Variants in GALNTL6 observed in about 807,000 individuals in gnomAD.
GALNTL6 encodes the protein polypeptide N-acetylgalactosaminyltransferase like 6.
A neutral mutation model predicts 73.7 loss-of-function variants in GALNTL6; 46 were observed. The observed-to-expected ratio is 0.62, with a 90% CI of 0.49 to 0.80. GALNTL6 has a LOEUF of 0.80. Among genes scored for constraint, GALNTL6 ranks in the 30% least tolerant of loss-of-function variants. The pLI, the probability that GALNTL6 is intolerant of heterozygous loss-of-function variation, is 0.00. For synonymous variants in GALNTL6, 259 were observed against 263.7 expected, an observed-to-expected ratio of 0.98 and a Z score of 0.17; for missense variants, 604 against 755.0, an observed-to-expected ratio of 0.80 and a Z score of 2.34.
Position 172,809,615 on chromosome 4 carries a change from T to C in GALNTL6, c.739+69T>C. 7.6e-7 allele frequency: 1 copy of C among 1,319,466 alleles called. No homozygotes were observed. Among genetic ancestry groups the C allele is most frequent in the Non-Finnish European group, 1.0e-6 (1 of 961,086 alleles). The allele number at this position is 1,319,466 out of a possible 1,614,324, so 81.7% of individuals were successfully genotyped here. A position where few individuals can be genotyped will look rare whatever the true frequency, so the allele number is the denominator to read the frequency against. On this transcript the variant is annotated intron_variant, in intron 6 of 12. Transcript: ENST00000506823. The surrounding 1 kb of genome is among the most constrained non-coding windows in gnomAD (Gnocchi z 4.4). ...AACTGAGCGGTTTGCTTCTATTTAG[T>C]TTGCAATCAGCAAACACTAGAGGTC... is the stretch of plus-strand genomic sequence containing the variant.
chr4:172,304,301 T>C lies in GALNTL6; in HGVS notation c.248-7313T>C, dbSNP rs1740046554. ...ACCTGTTATGTGGCAGTCACTCTTG[T>C]TGCTGCTGGAGACATTACGATGAAG... On this transcript the variant is annotated intron_variant, in intron 3 of 12. Transcript: ENST00000506823. Among the ~76,000 whole-genome samples the C allele has an allele frequency of 2.6e-5, 4 of 152,206 alleles. No individual in the cohort carries two copies. In the South Asian group the frequency reaches 8.3e-4, roughly 31 times the overall value.
intron 5 of GALNTL6, among the ~76,000 whole-genome samples, chr4:172,490,015 T>C (rs1284861940): frequency 6.6e-6 from 1 of 152,168 alleles, no homozygotes; most frequent in Non-Finnish European, 1.5e-5. Context: ...GATGGAACTG[T>C]GTTCTTGGGA....
In GALNTL6 at chr4:172,375,423, G is replaced by A. The variant is rs187031341; in HGVS notation, c.553+26734G>A. ...CAAATTGGTCCCAATAGCTTTGGAT[G>A]CATTTCAAGGGTGAGCCTCTTGATG... On this transcript the variant is annotated intron_variant, in intron 5 of 12. Transcript: ENST00000506823. 5.9e-5 allele frequency among the ~76,000 whole-genome samples: 9 copies of A among 152,262 alleles called. No individual in the cohort carries two copies. The East Asian group carries it at 1.4e-3, about 23-fold the overall frequency.
chr4:172,552,885 A>G (rs1736015760), intron 5 of GALNTL6, among the ~76,000 whole-genome samples: 2 of 138,072 alleles, frequency 1.4e-5, no homozygotes, highest in East Asian at 2.3e-4. Context: ...CTTTTGCACC[A>G]ACCTAATAAC....
intron 2 of GALNTL6, among the ~76,000 whole-genome samples, chr4:171,839,032 A>G (rs1735175125): frequency 6.6e-6 from 1 of 152,156 alleles, no homozygotes; most frequent in Non-Finnish European, 1.5e-5. Context: ...TACCATGGAA[A>G]TGATGAAGCT....
chr4:173,013,639 C>T (rs1261234703), intron 11 of GALNTL6, among the ~76,000 whole-genome samples: 1 of 139,176 alleles, frequency 7.2e-6, no homozygotes, highest in Non-Finnish European at 1.5e-5. Context: ...CACCAGAGGG[C>T]AGCACTAGAC....
chr4:172,545,029 C>T (rs764786397), intron 5 of GALNTL6, among the ~76,000 whole-genome samples: 9 of 152,170 alleles, frequency 5.9e-5, no homozygotes, highest in Non-Finnish European at 8.8e-5. Context: ...TTTATGCATG[C>T]TTGTATGGTC....
chr4:173,020,957 C>T (rs573632351), intron 11 of GALNTL6, among the ~76,000 whole-genome samples: 1 of 152,278 alleles, frequency 6.6e-6, no homozygotes, highest in South Asian at 2.1e-4. Context: ...CCTGTAATCC[C>T]AGCTACTCGG....
intron 5 of GALNTL6, among the ~76,000 whole-genome samples, chr4:172,436,617 G>T (rs912978866): frequency 1.3e-5 from 2 of 152,010 alleles, no homozygotes; most frequent in African/African-American, 2.4e-5. Flanking sequence ...CCATATTCAG[G>T]TGATATTCTT....
In GALNTL6 at chr4:172,487,212, C is replaced by CTCCT. The variant is rs138742820; in HGVS notation, c.553+138544_553+138547dup. On this transcript the variant is annotated intron_variant, in intron 5 of 12. Transcript: ENST00000506823. ...CTTCATTTTCTTTCTTTCTTTCTTT[C>CTCCT]TCCTTCCTTCCTTCCTTCCTTCCTG... Among the ~76,000 whole-genome samples the CTCCT allele has an allele frequency of 1.1e-3, 165 of 148,692 alleles. 2 individuals carry two copies. The Middle Eastern group carries it at 0.017, about 16-fold the overall frequency.
chr4:172,243,946 T>C (rs757651208), intron 3 of GALNTL6, among the ~76,000 whole-genome samples: 7 of 152,168 alleles, frequency 4.6e-5, no homozygotes, highest in Non-Finnish European at 8.8e-5. Flanking sequence ...GGGTTTCTGG[T>C]CATCTTTTAT....
chr4:172,375,641 A>G (rs992948433), intron 5 of GALNTL6, among the ~76,000 whole-genome samples: 2 of 152,150 alleles, frequency 1.3e-5, no homozygotes, highest in African/African-American at 4.8e-5. Context: ...GAATAGTTGC[A>G]CTCACTGACG....
intron 2 of GALNTL6, among the ~76,000 whole-genome samples, chr4:172,114,780 C>T (rs1044219247): frequency 3.5e-4 from 54 of 152,156 alleles, no homozygotes; most frequent in African/African-American, 1.3e-3. Context: ...TTTTATTATA[C>T]AACGAGTATA....
chr4:173,035,725 T>C (rs1017945599), intron 12 of GALNTL6, among the ~76,000 whole-genome samples: 5 of 152,236 alleles, frequency 3.3e-5, no homozygotes, highest in Admixed American at 6.5e-5. Context: ...ATAGATACCT[T>C]CTCTCCATAA....
At chr4:172,783,136 A>G (rs892964272) in intron 5 of GALNTL6, among the ~76,000 whole-genome samples, 8 of 151,188 alleles carry the variant, frequency 5.3e-5, no homozygotes, top group African/African-American at 1.9e-4. Flanking sequence ...CCAATTCCTA[A>G]ATCAGATATT....
intron 5 of GALNTL6, among the ~76,000 whole-genome samples, chr4:172,697,151 A>C (rs1733747282): frequency 6.6e-6 from 1 of 152,188 alleles, no homozygotes; most frequent in Non-Finnish European, 1.5e-5. Flanking sequence ...TGCCTTTTTT[A>C]CAGCAAATTA....
intron 5 of GALNTL6, among the ~76,000 whole-genome samples, chr4:172,495,616 G>C (rs1269168871): frequency 6.6e-6 from 1 of 152,170 alleles, no homozygotes; most frequent in Admixed American, 6.5e-5. Flanking sequence ...CTGCTGGACA[G>C]AAACAGAGCT....
intron 5 of GALNTL6, among the ~76,000 whole-genome samples, chr4:172,748,686 G>A (rs1015675995): frequency 1.3e-5 from 2 of 152,060 alleles, no homozygotes; most frequent in African/African-American, 2.4e-5. Context: ...TGGAGGTCTG[G>A]TGACCTATCG....
chr4:172,756,639 A>G (rs1263592983), intron 5 of GALNTL6, among the ~76,000 whole-genome samples: 1 of 141,090 alleles, frequency 7.1e-6, no homozygotes, highest in Non-Finnish European at 1.5e-5. Flanking sequence ...GCGTGTGACT[A>G]AAAAAAAAAA....
Sources: gnomAD v4.1 joint callset for allele counts (sites outside exome capture counted in the v4.1 genomes callset) on GRCh38, gnomAD v4.1.1 for gene constraint, Gnocchi (gnomAD v3.1) non-coding constraint, MANE v1.5 for transcripts, NCBI Gene and HGNC (gene_info 2026-07-23, HGNC 2026-07-21) for gene names.